STAG1: variants seen among roughly 807,000 people sequenced by gnomAD.
STAG1 encodes the protein cohesin subunit SA-1.
A neutral mutation model predicts 170.9 loss-of-function variants in STAG1; 26 were observed. The observed-to-expected ratio is 0.15, with a 90% CI of 0.11 to 0.21. The LOEUF (loss-of-function observed/expected upper bound fraction) is 0.21. Among genes scored for constraint, STAG1 ranks in the 10% least tolerant of loss-of-function variants. The pLI is 1.00. For missense variants in STAG1, 964 were observed against 1,509.5 expected, an observed-to-expected ratio of 0.64 and a Z score of 5.99; for synonymous variants, 514 against 497.7, an observed-to-expected ratio of 1.03 and a Z score of -0.44.
intron 21 of STAG1, among the ~76,000 whole-genome samples, chr3:136,415,506 T>C (rs1220270601): frequency 6.6e-6 from 1 of 152,158 alleles, no homozygotes. Flanking sequence ...AAGTACACAG[T>C]TGGAACCTTA....
intron 15 of STAG1, among the ~76,000 whole-genome samples, chr3:136,434,795 G>A (rs998125083): frequency 4.0e-5 from 6 of 151,838 alleles, no homozygotes; most frequent in African/African-American, 1.5e-4. Context: ...TTGCTGTCTC[G>A]TGTGCTTGCT....
intron 13 of STAG1, among the ~76,000 whole-genome samples, chr3:136,453,548 G>A (rs1034458402): frequency 4.1e-5 from 6 of 147,328 alleles, no homozygotes; most frequent in African/African-American, 1.5e-4. Context: ...CCGAGATCGC[G>A]CCACTGCACT....
intron 4 of STAG1, chr3:136,586,663 T>C: frequency 3.2e-6 from 1 of 308,764 alleles, no homozygotes; most frequent in Non-Finnish European, 6.4e-6. Flanking sequence ...TAATCTATTG[T>C]GTTTTGGAGA....
At chr3:136,495,606 G>T (rs1933035016) in intron 9 of STAG1, among the ~76,000 whole-genome samples, 1 of 152,080 alleles carries the variant, frequency 6.6e-6, no homozygotes, top group African/African-American at 2.4e-5. Context: ...GCCAAGGTGG[G>T]TGGATCACTT....
chr3:136,650,816 A>T (rs536350881), intron 1 of STAG1, among the ~76,000 whole-genome samples: 94 of 152,262 alleles, frequency 6.2e-4, no homozygotes, highest in African/African-American at 2.2e-3. Flanking sequence ...TCAAGAAAAA[A>T]TAAACTGGTA....
At chr3:136,516,818 GAGAGTA>G (rs1177818886) in intron 7 of STAG1, among the ~76,000 whole-genome samples, 8 of 152,160 alleles carry the variant, frequency 5.3e-5, no homozygotes, top group Non-Finnish European at 1.2e-4. Flanking sequence ...TGCAAATAAA[GAGAGTA>G]AGACCAGTTA....
intron 23 of STAG1, among the ~76,000 whole-genome samples, chr3:136,370,763 T>C (rs1370003587): frequency 6.6e-6 from 1 of 152,212 alleles, no homozygotes; most frequent in Non-Finnish European, 1.5e-5. Flanking sequence ...TCTATCATTG[T>C]TGGACATTTG....
At chr3:136,623,317 C>T (rs1363746238) in intron 2 of STAG1, 69 bp from the exon 3 acceptor site, 23 of 1,392,154 alleles carry the variant, frequency 1.7e-5, no homozygotes, top group Non-Finnish European at 2.3e-5. Flanking sequence ...CACTACTTTC[C>T]TTACCACCTG....
At chr3:136,525,183 T>C (rs1270276017) in intron 6 of STAG1, among the ~76,000 whole-genome samples, 2 of 152,190 alleles carry the variant, frequency 1.3e-5, no homozygotes, top group South Asian at 2.1e-4. Flanking sequence ...CCAGCTCCTC[T>C]TTGTACCTCT....
chr3:136,376,803 C>T (rs771573937), intron 23 of STAG1, among the ~76,000 whole-genome samples: 1 of 151,596 alleles, frequency 6.6e-6, no homozygotes, highest in Admixed American at 6.6e-5. Context: ...TTTTTTTAAT[C>T]TTTTTTGAGA....
At chr3:136,392,951 AAAT>A (rs999205841) in intron 22 of STAG1, among the ~76,000 whole-genome samples, 2 of 152,084 alleles carry the variant, frequency 1.3e-5, no homozygotes, top group Non-Finnish European at 2.9e-5. Flanking sequence ...TTATAACAAA[AAAT>A]AATAAGCATA....
rs953516561 is a variant in STAG1, at chr3:136,721,219, T to C, written c.-84+30976A>G. Among the ~76,000 whole-genome samples, 20 of 152,038 alleles carry C rather than the reference T, an allele frequency of 1.3e-4. No homozygotes were observed. In the South Asian group the frequency reaches 1.4e-3, roughly 11 times the overall value. ...TAAGCTTACAGACAAGAGATCAAGA[T>C]AGGACACAATAAAGAGAAACGCTCA... On this transcript the variant is annotated intron_variant, in intron 1 of 33. Coordinates refer to ENST00000383202, the MANE Select transcript of STAG1 (RefSeq NM_005862.3).
intron 1 of STAG1, chr3:136,737,066 T>C: frequency 3.2e-6 from 4 of 1,238,172 alleles, no homozygotes; most frequent in East Asian, 2.3e-5. Context: ...GAACCTCAAA[T>C]GGGGTGAAAC....
intron 1 of STAG1, among the ~76,000 whole-genome samples, chr3:136,744,673 C>CTTTT (rs34241550): frequency 2.0e-4 from 24 of 117,458 alleles, no homozygotes; most frequent in Non-Finnish European, 2.9e-4. Context: ...CTGCAACCAT[C>CTTTT]TTTTTTTTTT....
At chr3:136,414,342 G>A (rs193117579) in intron 21 of STAG1, among the ~76,000 whole-genome samples, 11 of 152,180 alleles carry the variant, frequency 7.2e-5, no homozygotes, top group South Asian at 2.1e-4. Flanking sequence ...TAAATCCTTC[G>A]TTGTCATTTT....
intron 1 of STAG1, among the ~76,000 whole-genome samples, chr3:136,634,147 TAATA>T (rs1054033190): frequency 4.5e-4 from 66 of 147,878 alleles, no homozygotes; most frequent in Non-Finnish European, 7.8e-4. Context: ...TTTCAAAAAA[TAATA>T]AATAAATAAA....
intron 5 of STAG1, among the ~76,000 whole-genome samples, chr3:136,549,747 G>C (rs994265153): frequency 3.3e-5 from 5 of 151,200 alleles, no homozygotes; most frequent in African/African-American, 1.2e-4. Flanking sequence ...TCCTCACCTT[G>C]TTCCTGATCT....
At chr3:136,616,121 T>C (rs556635532) in intron 3 of STAG1, among the ~76,000 whole-genome samples, 2 of 151,728 alleles carry the variant, frequency 1.3e-5, no homozygotes, top group African/African-American at 2.4e-5. Flanking sequence ...ACAAAAAAAG[T>C]AGCCAGGCAT....
At chr3:136,476,866 T>A (rs1315470715) in intron 10 of STAG1, among the ~76,000 whole-genome samples, 1 of 152,134 alleles carries the variant, frequency 6.6e-6, no homozygotes, top group Non-Finnish European at 1.5e-5. Flanking sequence ...GATTTTTAGA[T>A]CAAATATTCT....
Sources: allele counts gnomAD v4.1 joint callset (sites outside exome capture counted in the v4.1 genomes callset), GRCh38; gene constraint gnomAD v4.1.1; transcripts MANE v1.5; gene names NCBI Gene and HGNC (gene_info 2026-07-23, HGNC 2026-07-21).